The following TNR variants were observed in gnomAD, a reference collection of about 807,000 sequenced individuals.
The protein encoded by TNR is tenascin R, also known as tenascin-R.
In TNR, 45 loss-of-function variants were observed where a neutral mutation model predicts 150.4. That is an observed-to-expected ratio of 0.30 (90% confidence interval 0.24 to 0.38). TNR has a LOEUF of 0.38. TNR is among the 10% of genes least tolerant of loss of function. TNR has a pLI of 1.00. For missense variants in TNR, 1,544 were observed against 1,759.1 expected (o/e 0.88, Z 2.19); for synonymous variants, 687 against 678.4 (o/e 1.01, Z -0.20).
chr1:175,728,329 G>C (rs1667536857), intron 1 of TNR, among the ~76,000 whole-genome samples: 1 of 152,222 alleles, frequency 6.6e-6, no homozygotes, highest in African/African-American at 2.4e-5. Context: ...CAAGACTTTG[G>C]AGAAGGTACA....
intron 20 of TNR, among the ~76,000 whole-genome samples, chr1:175,333,163 T>G (rs1184797555): frequency 6.6e-6 from 1 of 152,224 alleles, no homozygotes; most frequent in African/African-American, 2.4e-5. Flanking sequence ...TAATATAGTT[T>G]CTTTTAATTG....
intron 1 of TNR, among the ~76,000 whole-genome samples, chr1:175,742,453 G>A (rs898946195): frequency 5.3e-5 from 8 of 152,104 alleles, no homozygotes; most frequent in Non-Finnish European, 8.8e-5. Flanking sequence ...GCCAAAGATG[G>A]CATAAAAGTG....
At chr1:175,457,142 C>A (rs936971506) in intron 2 of TNR, among the ~76,000 whole-genome samples, 2 of 152,200 alleles carry the variant, frequency 1.3e-5, no homozygotes, top group African/African-American at 2.4e-5. Context: ...ATTAACTTTT[C>A]CCCTGTCTGT....
At chr1:175,568,851 T>C (rs1558011297) in intron 1 of TNR, among the ~76,000 whole-genome samples, 1 of 152,216 alleles carries the variant, frequency 6.6e-6, no homozygotes, top group African/African-American at 2.4e-5. Context: ...TTTCACTCTC[T>C]TCAGTGCAGA....
At chr1:175,479,022 T>C (rs1048278149) in intron 2 of TNR, among the ~76,000 whole-genome samples, 7 of 152,226 alleles carry the variant, frequency 4.6e-5, no homozygotes, top group African/African-American at 1.7e-4. Flanking sequence ...CCTTATTTCA[T>C]CTTTACAATA....
At chr1:175,716,502 T>C (rs1288841109) in intron 1 of TNR, among the ~76,000 whole-genome samples, 1 of 152,186 alleles carries the variant, frequency 6.6e-6, no homozygotes, top group East Asian at 1.9e-4. Context: ...CAAAGAGCTC[T>C]TGCCCAACCC....
At chr1:175,648,737 C>T (rs1664873165) in intron 1 of TNR, among the ~76,000 whole-genome samples, 1 of 152,188 alleles carries the variant, frequency 6.6e-6, no homozygotes, top group African/African-American at 2.4e-5. Flanking sequence ...TTGTTCTCCT[C>T]TTTACCTCTG....
intron 2 of TNR, among the ~76,000 whole-genome samples, chr1:175,461,669 A>G (rs1173504058): frequency 6.6e-6 from 1 of 152,044 alleles, no homozygotes; most frequent in Non-Finnish European, 1.5e-5. Context: ...TCAGGTGTTT[A>G]CTGCTTCTGC....
In TNR at chr1:175,525,404, CA is replaced by C. The variant is rs775535560; in HGVS notation, c.-64+2864del. Among the ~76,000 whole-genome samples the C allele has an allele frequency of 2.8e-4, 42 of 152,234 alleles. 1 individual carries two copies. The highest frequency in any genetic ancestry group is 5.3e-4 in the Non-Finnish European group (36 of 68,044). Reference sequence around the variant, plus strand: ...ATCAGAGGTTTGGCATAGAGTCAAACACTGCAATTCTGGAGTTGTACTTTGT... The same window carrying C: ...ATCAGAGGTTTGGCATAGAGTCAAACCTGCAATTCTGGAGTTGTACTTTGT... On this transcript the variant is annotated intron_variant, in intron 2 of 22. Transcript: ENST00000367674.
intron 2 of TNR, among the ~76,000 whole-genome samples, chr1:175,509,206 C>T (rs112987986): frequency 7.0e-4 from 106 of 152,222 alleles, no homozygotes; most frequent in African/African-American, 2.4e-3. Flanking sequence ...ATCCTTCCTC[C>T]GCCAGTGGTG....
intron 18 of TNR, among the ~76,000 whole-genome samples, chr1:175,353,170 T>C (rs191624305): frequency 0.017 from 2,243 of 129,240 alleles, 32 homozygotes; most frequent in Non-Finnish European, 0.027. Flanking sequence ...AGAGAAACAT[T>C]AGTAACACAG....
intron 1 of TNR, among the ~76,000 whole-genome samples, chr1:175,670,603 C>T (rs1460700773): frequency 6.6e-6 from 1 of 152,144 alleles, no homozygotes; most frequent in Non-Finnish European, 1.5e-5. Flanking sequence ...TTGAGATGAG[C>T]AGGCCCAGGT....
chr1:175,596,014 T>C (rs1662992220), intron 1 of TNR, among the ~76,000 whole-genome samples: 1 of 152,190 alleles, frequency 6.6e-6, no homozygotes, highest in Non-Finnish European at 1.5e-5. Context: ...CTTCTGTTAT[T>C]CTAAGACTCT....
intron 8 of TNR, among the ~76,000 whole-genome samples, chr1:175,382,933 C>T (rs1401924427): frequency 6.6e-6 from 1 of 151,946 alleles, no homozygotes; most frequent in African/African-American, 2.4e-5. Context: ...TATTGTCTCA[C>T]AGACTCAAGG....
intron 2 of TNR, among the ~76,000 whole-genome samples, chr1:175,467,405 T>C (rs1228863334): frequency 6.6e-6 from 1 of 152,154 alleles, no homozygotes; most frequent in African/African-American, 2.4e-5. Context: ...GTTTGCACAA[T>C]GAAACAATGA....
rs755108788 is a variant in TNR, at chr1:175,546,137, G to A, written c.-164-17768C>T. ...GGCGAAAAATTAGATTACAAGGGACGGCAGAAGAATCAAAGGACAGGAACA... is the reference window on the plus strand; with the variant it reads ...GGCGAAAAATTAGATTACAAGGGACAGCAGAAGAATCAAAGGACAGGAACA... On this transcript the variant is annotated intron_variant, in intron 1 of 22. Transcript: ENST00000367674. Among the ~76,000 whole-genome samples the A allele has an allele frequency of 1.1e-4, 16 of 152,154 alleles. 1 individual carries two copies. The highest frequency in any genetic ancestry group is 1.3e-4 in the Non-Finnish European group (9 of 68,026).
In TNR at chr1:175,362,666, T is replaced by C; in HGVS notation, c.2851A>G (p.Thr951Ala). Reference protein sequence around the residue: ...ESERICTLVHTAMDNPVDLIA... With the variant: ...ESERICTLVHAAMDNPVDLIA... ...CACAGCAGGGAGACATTCCCACCTG[T>C]GTGCACAAGAGTACAGATGCGCTCG... is the stretch of plus-strand genomic sequence containing the variant. Residue 951 changes from threonine (T) to alanine (A), a missense_variant, in exon 14 of 23, where the codon ACA becomes GCA. Around this residue, in one of 2 missense-constraint regions of TNR, gnomAD observed 1,254 missense variants for 1,329.4 expected, o/e 0.94. Transcript: ENST00000367674. The C allele has an allele frequency of 6.2e-7, 1 of 1,613,636 alleles. No homozygotes were observed. The highest frequency in any genetic ancestry group is 8.5e-7 in the Non-Finnish European group (1 of 1,179,614).
chr1:175,639,312 C>T (rs1558049510), intron 1 of TNR, among the ~76,000 whole-genome samples: 1 of 152,172 alleles, frequency 6.6e-6, no homozygotes, highest in African/African-American at 2.4e-5. Flanking sequence ...TTCCAGGACT[C>T]TTTCTACTTT....
intron 9 of TNR, among the ~76,000 whole-genome samples, chr1:175,372,956 T>C (rs1348717031): frequency 6.6e-6 from 1 of 152,206 alleles, no homozygotes; most frequent in African/African-American, 2.4e-5. Context: ...AATCTGCGAT[T>C]TTTATAGTGA....
Sources: allele counts gnomAD v4.1 joint callset (sites outside exome capture counted in the v4.1 genomes callset), GRCh38; gene constraint gnomAD v4.1.1; regional missense constraint gnomAD v4.1.1; transcripts MANE v1.5; gene names NCBI Gene and HGNC (gene_info 2026-07-23, HGNC 2026-07-21).